Variants in SPRED2 observed in about 807,000 individuals in gnomAD.
The protein encoded by SPRED2 is sprouty related EVH1 domain containing 2, also known as sprouty-related, EVH1 domain-containing protein 2.
SPRED2 carries 47 observed loss-of-function variants against 43.0 expected under a neutral mutation model. That is an observed-to-expected ratio of 1.09 (90% CI 0.87 to 1.40). The LOEUF is 1.40. Ranked by LOEUF, SPRED2 falls within the 40% of genes most tolerant of loss-of-function variation. The pLI, the probability that SPRED2 is intolerant of heterozygous loss-of-function variation, is 0.00. For missense variants in SPRED2, 561 were observed against 586.4 expected, an observed-to-expected ratio of 0.96 and a Z score of 0.45; for synonymous variants, 225 against 225.7, an observed-to-expected ratio of 1.00 and a Z score of 0.03.
intron 4 of SPRED2, among the ~76,000 whole-genome samples, chr2:65,327,764 C>A (rs1051323368): frequency 6.9e-6 from 1 of 144,540 alleles, no homozygotes; most frequent in Non-Finnish European, 1.5e-5. Context: ...CGCTCTGTCG[C>A]CCAGGCTGGA....
intron 1 of SPRED2, among the ~76,000 whole-genome samples, chr2:65,371,959 G>C (rs1034641331): frequency 6.6e-6 from 1 of 152,140 alleles, no homozygotes. Flanking sequence ...TGTAATCCCA[G>C]CTACTTGGGA....
At chr2:65,417,436 T>C (rs908530552) in intron 1 of SPRED2, among the ~76,000 whole-genome samples, 4 of 152,072 alleles carry the variant, frequency 2.6e-5, no homozygotes, top group Non-Finnish European at 5.9e-5. Context: ...TTAAGACCCC[T>C]ACCTACCATG....
chr2:65,317,248 C>T (rs993096236), intron 4 of SPRED2, among the ~76,000 whole-genome samples: 19 of 152,222 alleles, frequency 1.2e-4, no homozygotes, highest in Non-Finnish European at 2.5e-4. Context: ...CGCGGGGGCT[C>T]ATGCCTGTAA....
At chr2:65,379,400 G>C (rs1314109640) in intron 1 of SPRED2, among the ~76,000 whole-genome samples, 1 of 152,148 alleles carries the variant, frequency 6.6e-6, no homozygotes, top group African/African-American at 2.4e-5. Context: ...AGAGGAAGGA[G>C]AATTCTCTTA....
chr2:65,370,236 T>G (rs778045348), intron 1 of SPRED2, among the ~76,000 whole-genome samples: 1 of 152,270 alleles, frequency 6.6e-6, no homozygotes, highest in African/African-American at 2.4e-5. Context: ...TCTTACAGAA[T>G]TGTTTTGAAT....
chr2:65,379,284 T>G (rs982715756), intron 1 of SPRED2, among the ~76,000 whole-genome samples: 1 of 152,148 alleles, frequency 6.6e-6, no homozygotes, highest in Non-Finnish European at 1.5e-5. Flanking sequence ...CAGCTTATGT[T>G]AGCTACAGAA....
intron 1 of SPRED2, among the ~76,000 whole-genome samples, chr2:65,362,652 G>C (rs1674851311): frequency 6.6e-6 from 1 of 152,066 alleles, no homozygotes; most frequent in Non-Finnish European, 1.5e-5. Context: ...TGAGGTCAGG[G>C]GTTCGAGACC....
chr2:65,343,573 A>C (rs1010579615), intron 2 of SPRED2, among the ~76,000 whole-genome samples: 1 of 152,178 alleles, frequency 6.6e-6, no homozygotes, highest in Non-Finnish European at 1.5e-5. Context: ...TCTCTGTGGG[A>C]TCCTGCACAA....
intron 1 of SPRED2, among the ~76,000 whole-genome samples, chr2:65,354,228 A>C (rs1674585145): frequency 6.6e-6 from 1 of 152,190 alleles, no homozygotes; most frequent in Admixed American, 6.5e-5. Context: ...GGCAGATGGA[A>C]GTTGGAGCTT....
At chr2:65,378,553 G>A (rs1389845509) in intron 1 of SPRED2, among the ~76,000 whole-genome samples, 7 of 152,138 alleles carry the variant, frequency 4.6e-5, no homozygotes, top group Admixed American at 4.6e-4. Context: ...ACGGTAAAAA[G>A]GAAAAAGAGC....
chr2:65,372,532 T>C (rs1203102119), intron 1 of SPRED2, among the ~76,000 whole-genome samples: 2 of 152,142 alleles, frequency 1.3e-5, no homozygotes, highest in East Asian at 1.9e-4. Flanking sequence ...CCTTAAAGCC[T>C]GGCAAAAGAG....
At chr2:65,394,145 T>C (rs2103695841) in intron 1 of SPRED2, among the ~76,000 whole-genome samples, 1 of 152,338 alleles carries the variant, frequency 6.6e-6, no homozygotes, top group South Asian at 2.1e-4. Flanking sequence ...CCCTCATATG[T>C]AAATTTTTTA....
chr2:65,377,632 C>T (rs188031844), intron 1 of SPRED2: 114 of 471,258 alleles, frequency 2.4e-4, no homozygotes, highest in Non-Finnish European at 4.1e-4. Flanking sequence ...TCCTGGTCAT[C>T]GTCTGACCTG....
chr2:65,366,513 C>T (rs539426484), intron 1 of SPRED2: 1 of 1,464,092 alleles, frequency 6.8e-7, no homozygotes, highest in African/African-American at 1.4e-5. Context: ...TAAAAAAATG[C>T]TAAAAGCAGG....
intron 1 of SPRED2, among the ~76,000 whole-genome samples, chr2:65,382,380 AT>A (rs1475882395): frequency 6.6e-6 from 1 of 152,208 alleles, no homozygotes; most frequent in Admixed American, 6.5e-5. Context: ...TGCTTATTAA[AT>A]TATTAACTTT....
intron 1 of SPRED2, among the ~76,000 whole-genome samples, chr2:65,376,535 G>A (rs1675241904): frequency 6.6e-6 from 1 of 152,110 alleles, no homozygotes; most frequent in Admixed American, 6.6e-5. Context: ...CATCCCATCT[G>A]CCCCATTCCT....
rs572688505 is a variant in SPRED2 at position 65,377,703 on chromosome 2, A to G, written c.27-32807T>C. 231 of 471,256 alleles carry G rather than the reference A, an allele frequency of 4.9e-4. 1 individual carries two copies. Among genetic ancestry groups the G allele is most frequent in the South Asian group, 3.3e-3 (210 of 64,568 alleles). 29.2% of individuals were successfully genotyped at this position (471,256 alleles called of 1,614,324 possible). A position where few individuals can be genotyped will look rare whatever the true frequency, so the allele number is the denominator to read the frequency against. On this transcript the variant is annotated intron_variant, in intron 1 of 5. Transcript: ENST00000356388. ...AGCCATCTGCACACCAAGGAAAGGA[A>G]GGCTGTGTGGGTGTTGGCTGGTCCT...
intron 1 of SPRED2, among the ~76,000 whole-genome samples, chr2:65,354,895 A>G (rs1674604466): frequency 6.6e-6 from 1 of 152,222 alleles, no homozygotes; most frequent in Non-Finnish European, 1.5e-5. Flanking sequence ...TTTTTAAAAA[A>G]TGGCTCCTGG....
intron 1 of SPRED2, among the ~76,000 whole-genome samples, chr2:65,406,277 T>C (rs776430608): frequency 2.6e-5 from 4 of 152,206 alleles, no homozygotes; most frequent in Admixed American, 1.3e-4. Flanking sequence ...GATTTCTTAA[T>C]ACTTGACACC....
Sources: allele counts gnomAD v4.1 joint callset (sites outside exome capture counted in the v4.1 genomes callset), GRCh38; gene constraint gnomAD v4.1.1; transcripts MANE v1.5; gene names NCBI Gene and HGNC (gene_info 2026-07-23, HGNC 2026-07-21).